STX8: variants seen among roughly 807,000 people sequenced by gnomAD.
The protein encoded by STX8 is syntaxin 8.
Under a neutral mutation model 37.5 loss-of-function variants are expected in STX8, and 23 were observed. The ratio of observed to expected loss-of-function variants is 0.61; its 90% CI spans 0.44 to 0.87. The LOEUF is 0.87. STX8 is among the 40% of genes least tolerant of loss of function. The pLI is 0.00. For missense variants in STX8, 313 were observed against 284.7 expected (o/e 1.10, Z -0.71); for synonymous variants, 115 against 99.1 (o/e 1.16, Z -0.95).
At chr17:9,354,494 G>A (rs560191408) in intron 7 of STX8, among the ~76,000 whole-genome samples, 1 of 151,642 alleles carries the variant, frequency 6.6e-6, no homozygotes, top group African/African-American at 2.4e-5. Context: ...GCTAATTTTT[G>A]TATTTTTAGT....
intron 7 of STX8, among the ~76,000 whole-genome samples, chr17:9,325,374 T>C (rs1909719037): frequency 1.3e-5 from 2 of 152,138 alleles, no homozygotes; most frequent in African/African-American, 2.4e-5. Context: ...GTATGTATAG[T>C]GTATGAATGA....
intron 7 of STX8, among the ~76,000 whole-genome samples, chr17:9,264,552 T>C (rs1211844211): frequency 6.6e-6 from 1 of 151,984 alleles, no homozygotes; most frequent in Non-Finnish European, 1.5e-5. Context: ...CAATCCTCCC[T>C]CCTCGACCTC....
chr17:9,401,990 G>A (rs12450630), intron 6 of STX8, among the ~76,000 whole-genome samples: 1 of 152,118 alleles, frequency 6.6e-6, no homozygotes, highest in Non-Finnish European at 1.5e-5. Context: ...CTCTGTACCA[G>A]CAATTTCCAG....
intron 6 of STX8, among the ~76,000 whole-genome samples, chr17:9,472,325 C>T (rs1272785474): frequency 5.9e-5 from 9 of 152,150 alleles, no homozygotes; most frequent in South Asian, 2.1e-4. Context: ...TGAGTAAATG[C>T]GAGAGTACTG....
intron 3 of STX8, among the ~76,000 whole-genome samples, chr17:9,546,762 T>TA: frequency 6.6e-6 from 1 of 151,146 alleles, no homozygotes; most frequent in Middle Eastern, 3.4e-3. Flanking sequence ...CACGCGCAGC[T>TA]AATTTTTTGT....
intron 7 of STX8, among the ~76,000 whole-genome samples, chr17:9,356,397 T>C (rs550845608): frequency 1.3e-5 from 2 of 152,138 alleles, no homozygotes; most frequent in Non-Finnish European, 2.9e-5. Flanking sequence ...TGGAAAAACA[T>C]GTCAGATGAT....
chr17:9,270,906 C>T (rs1277848393), intron 7 of STX8, among the ~76,000 whole-genome samples: 1 of 152,104 alleles, frequency 6.6e-6, no homozygotes, highest in Non-Finnish European at 1.5e-5. Context: ...GGGATTTTAC[C>T]AGATGCTCAT....
intron 5 of STX8, among the ~76,000 whole-genome samples, chr17:9,497,449 C>T (rs755012191): frequency 6.6e-6 from 1 of 152,032 alleles, no homozygotes; most frequent in African/African-American, 2.4e-5. Flanking sequence ...TGAAATGATA[C>T]GATGTCTGGG....
At chr17:9,542,834 GTT>G (rs1415695866) in intron 4 of STX8, among the ~76,000 whole-genome samples, 2 of 152,096 alleles carry the variant, frequency 1.3e-5, no homozygotes, top group African/African-American at 4.8e-5. Context: ...AAAATTCTGA[GTT>G]TGTAACACAC....
At chr17:9,421,537 G>C (rs565045102) in intron 6 of STX8, among the ~76,000 whole-genome samples, 3 of 151,640 alleles carry the variant, frequency 2.0e-5, no homozygotes, top group South Asian at 4.2e-4. Flanking sequence ...GGTGACCCTG[G>C]CTGCTTTATC....
At chr17:9,266,569 C>A (rs1284592615) in intron 7 of STX8, among the ~76,000 whole-genome samples, 1 of 152,096 alleles carries the variant, frequency 6.6e-6, no homozygotes, top group Non-Finnish European at 1.5e-5. Flanking sequence ...ATAGTAGACA[C>A]ACGATGTCAC....
chr17:9,415,834 T>A (rs761110503), intron 6 of STX8, among the ~76,000 whole-genome samples: 1 of 152,222 alleles, frequency 6.6e-6, no homozygotes, highest in African/African-American at 2.4e-5. Context: ...TCATGGCTTT[T>A]GAAATAGGCT....
chr17:9,502,029 A>G (rs186890425), intron 5 of STX8, among the ~76,000 whole-genome samples: 296 of 152,244 alleles, frequency 1.9e-3, no homozygotes, highest in Non-Finnish European at 3.2e-3. Flanking sequence ...CAGAATGGCT[A>G]TGATCAAAAA....
chr17:9,322,364 AG>A (rs1206477612), intron 7 of STX8, among the ~76,000 whole-genome samples: 1 of 152,242 alleles, frequency 6.6e-6, no homozygotes, highest in Non-Finnish European at 1.5e-5. Flanking sequence ...TGAAAGCACT[AG>A]GAACAGCTCA....
chr17:9,332,462 G>A (rs750337651), intron 7 of STX8, among the ~76,000 whole-genome samples: 1 of 152,120 alleles, frequency 6.6e-6, no homozygotes, highest in South Asian at 2.1e-4. Context: ...CAAAAATAGC[G>A]GCTTTCTTCT....
chr17:9,454,606 G>A (rs1045131429), intron 6 of STX8, among the ~76,000 whole-genome samples: 1 of 151,796 alleles, frequency 6.6e-6, no homozygotes, highest in African/African-American at 2.4e-5. Flanking sequence ...CGCAAACCCG[G>A]GAGGCGGAGC....
intron 6 of STX8, among the ~76,000 whole-genome samples, chr17:9,420,398 C>A (rs986126998): frequency 1.3e-5 from 2 of 152,178 alleles, no homozygotes; most frequent in Non-Finnish European, 2.9e-5. Context: ...TTCCTTCGAC[C>A]AGTAACCTTA....
At chr17:9,532,228 G>A (rs73252117) in intron 4 of STX8, among the ~76,000 whole-genome samples, 7,034 of 151,910 alleles carry the variant, frequency 0.046, 588 homozygotes, top group African/African-American at 0.16. Flanking sequence ...AGTCTTGTGA[G>A]AACATACATA....
At chr17:9,558,551 AG>A (rs1486950139) in intron 2 of STX8, among the ~76,000 whole-genome samples, 5 of 152,164 alleles carry the variant, frequency 3.3e-5, no homozygotes, top group Non-Finnish European at 7.4e-5. Flanking sequence ...AAGAGAAAAG[AG>A]CGGCCGGGCG....
Sources: gnomAD v4.1 joint callset for allele counts (sites outside exome capture counted in the v4.1 genomes callset) on GRCh38, gnomAD v4.1.1 for gene constraint, MANE v1.5 for transcripts, NCBI Gene and HGNC (gene_info 2026-07-23, HGNC 2026-07-21) for gene names.